Variants in PPP1R10 observed in about 807,000 individuals in gnomAD.
PPP1R10 encodes the protein serine/threonine-protein phosphatase 1 regulatory subunit 10.
A neutral mutation model predicts 99.0 loss-of-function variants in PPP1R10; 15 were observed. The ratio of observed to expected loss-of-function variants is 0.15; its 90% CI spans 0.10 to 0.23. The LOEUF (loss-of-function observed/expected upper bound fraction) is 0.23, where lower values mean the gene tolerates loss of function less well. Among genes scored for constraint, PPP1R10 ranks in the 10% least tolerant of loss-of-function variants. The pLI, the probability that PPP1R10 is intolerant of heterozygous loss-of-function variation, is 1.00. For missense variants in PPP1R10, 947 were observed against 1,259.4 expected (o/e 0.75, Z 3.75); for synonymous variants, 430 against 449.5 (o/e 0.96, Z 0.55).
Position 30,601,437 on chromosome 6 carries a change from C to G in PPP1R10, c.*112G>C. ...AGCAAGTGGGAACTGAGGGGGCCGG[C>G]TCCTCATCAGCTGGGGAAAAGGGAA... is the stretch of plus-strand genomic sequence containing the variant. On this transcript the variant is annotated 3_prime_UTR_variant, in exon 20 of 20. Transcript: ENST00000376511. The G allele has an allele frequency of 1.2e-6, 1 of 868,186 alleles. No homozygotes were observed. Among genetic ancestry groups the G allele is most frequent in the East Asian group, 2.6e-5 (1 of 38,396 alleles). The allele number at this position is 868,186 out of a possible 1,614,324, so 53.8% of individuals were successfully genotyped here.
rs1292956976 is a variant in PPP1R10 at position 30,602,543 on chromosome 6, T to A, written c.2106A>T (p.Pro702=). Residue 702 remains proline, a synonymous_variant, in exon 19 of 20, where the codon CCA becomes CCT. Transcript: ENST00000376511. The surrounding 1 kb of genome is among the most constrained non-coding windows in gnomAD (Gnocchi z 6.7). ...MRGGPGPGPG[P]YHRGRGGRGG... is the part of the protein sequence containing the mutation. ...CTCGGCCACCTCGGCCTCTATGGTATGGTCCAGGACCTGGTCCTGGACCCC... is the reference window on the plus strand; with the variant it reads ...CTCGGCCACCTCGGCCTCTATGGTAAGGTCCAGGACCTGGTCCTGGACCCC... 7.6e-6 allele frequency: 12 copies of A among 1,570,704 alleles called. No individual in the cohort carries two copies. The highest frequency in any genetic ancestry group is 1.7e-4 in the Middle Eastern group (1 of 5,860).
chr6:30,612,248 T>TAA (rs1461059755), intron 2 of PPP1R10, among the ~76,000 whole-genome samples: 1 of 152,238 alleles, frequency 6.6e-6, no homozygotes, highest in Non-Finnish European at 1.5e-5. Context: ...TGAATATATA[T>TAA]AACCCTGGAG....
chr6:30,608,846 A>C lies in PPP1R10; in HGVS notation c.263T>G (p.Ile88Ser), dbSNP rs1226363825. Residue 88 changes from isoleucine (I) to serine (S), a missense_variant, in exon 5 of 20, where the codon ATT (isoleucine) becomes AGT (serine). Around this residue, in one of 10 missense-constraint regions of PPP1R10, gnomAD observed 82 missense variants for 117.3 expected, o/e 0.70. Coordinates refer to ENST00000376511, the MANE Select transcript of PPP1R10 (RefSeq NM_002714.4). ...WLTYSKTTNN[I>S]PLLQQILLTL... ...CAGTAGAATTTGCTGGAGGAGGGGA[A>C]TGTTGTTGGTTGTCTTTGAATACGT... The C allele has an allele frequency of 1.2e-6, 2 of 1,614,036 alleles. No individual in the cohort carries two copies. Among genetic ancestry groups the C allele is most frequent in the Non-Finnish European group, 1.7e-6 (2 of 1,179,944 alleles).
Position 30,605,109 on chromosome 6 carries a change from A to G in PPP1R10, c.854-15T>C. The stretch of plus-strand genomic sequence containing the variant: ...GCCCTCCATAGCTACAAAAAGAAAG[A>G]GCACCAAATGGCATCATCAGACCTC... On this transcript the variant is annotated splice_polypyrimidine_tract_variant and intron_variant, in intron 10 of 19. Coordinates refer to ENST00000376511, the MANE Select transcript of PPP1R10 (RefSeq NM_002714.4). 1 of 1,608,548 alleles carries G rather than the reference A, an allele frequency of 6.2e-7. No individual in the cohort carries two copies. The highest frequency in any genetic ancestry group is 8.5e-7 in the Non-Finnish European group (1 of 1,176,378).
rs759276481 is a variant in PPP1R10 at position 30,606,692 on chromosome 6, C to CA, written c.461-52dup. ...AGGATTTTATTTAGATGAACACTGT[C>CA]AGAGGTGAAGCAGACTGGGAGCACC... is the stretch of plus-strand genomic sequence containing the variant. On this transcript the variant is annotated intron_variant, in intron 7 of 19. Transcript: ENST00000376511. This position sits in a 1 kb window ranked among gnomAD's most constrained non-coding sequence, Gnocchi z 6.3. 4.3e-6 allele frequency: 7 copies of CA among 1,612,878 alleles called. No homozygotes were observed. The highest frequency in any genetic ancestry group is 1.1e-5 in the South Asian group (1 of 91,054).
At chr6:30,608,714 T>C in intron 5 of PPP1R10, 65 bp downstream of exon 5, 9 of 1,535,798 alleles carry the variant, frequency 5.9e-6, no homozygotes, top group African/African-American at 1.4e-5. Flanking sequence ...ATCAGTCAGT[T>C]TGAGTTTTTC....
intron 2 of PPP1R10, among the ~76,000 whole-genome samples, chr6:30,611,143 T>C (rs1804512114): frequency 6.6e-6 from 1 of 152,108 alleles, no homozygotes; most frequent in Non-Finnish European, 1.5e-5. Flanking sequence ...ACCTCATCTC[T>C]ACAAAACATA....
chr6:30,605,745 A>T, intron 10 of PPP1R10, 178 bp downstream of exon 10: 1 of 648,444 alleles, frequency 1.5e-6, no homozygotes, highest in South Asian at 1.9e-5. Flanking sequence ...CAGTAGTCCC[A>T]GCTACTCGGG....
At position 30,602,766 on chromosome 6, in the gene PPP1R10, C is replaced by T. The variant is rs1803499961; in HGVS notation, c.1958-75G>A. 1 of 1,559,810 alleles carries T rather than the reference C, an allele frequency of 6.4e-7. No individual in the cohort carries two copies. The highest frequency in any genetic ancestry group is 1.9e-5 in the Admixed American group (1 of 51,918). On this transcript the variant is annotated intron_variant, in intron 18 of 19. Coordinates refer to ENST00000376511, the MANE Select transcript of PPP1R10 (RefSeq NM_002714.4). This position sits in a 1 kb window ranked among gnomAD's most constrained non-coding sequence, Gnocchi z 6.7. ...TCTCCCAACCTAAACCACCACCTCC[C>T]ACCTTCCAGTCAATCCTATACTATT... is the stretch of plus-strand genomic sequence containing the variant.
chr6:30,614,062 TA>T (rs1183215009), intron 2 of PPP1R10, among the ~76,000 whole-genome samples: 2 of 152,094 alleles, frequency 1.3e-5, no homozygotes, highest in African/African-American at 2.4e-5. Flanking sequence ...GCAGGACTTT[TA>T]AAAATTAAAA....
rs1803307173 is a variant in PPP1R10 at position 30,601,490 on chromosome 6, G to A, written c.*59C>T. Reference sequence around the variant, plus strand: ...TGGGCCTCACAGAAGCCATAACAGGGTGGAAAGAGCGAGGCTGCAGTCCAC... The same window carrying A: ...TGGGCCTCACAGAAGCCATAACAGGATGGAAAGAGCGAGGCTGCAGTCCAC... On this transcript the variant is annotated 3_prime_UTR_variant, in exon 20 of 20. Transcript: ENST00000376511. 4.2e-6 allele frequency: 6 copies of A among 1,435,656 alleles called. No homozygotes were observed. In the South Asian group the frequency reaches 7.0e-5, roughly 17 times the overall value. 88.9% of individuals were successfully genotyped at this position (1,435,656 alleles called of 1,614,324 possible).
In PPP1R10 at chr6:30,601,362, A is replaced by C; in HGVS notation, c.*187T>G. ...TCTCTCTCCTCCCCAGACTGGAGGA[A>C]AATATGTACATCAATGCGCACCAGT... On this transcript the variant is annotated 3_prime_UTR_variant, in exon 20 of 20. Transcript: ENST00000376511. 1.7e-6 allele frequency: 1 copy of C among 586,160 alleles called. No individual in the cohort carries two copies. 36.3% of individuals were successfully genotyped at this position (586,160 alleles called of 1,614,324 possible). A position where few individuals can be genotyped will look rare whatever the true frequency, so the allele number is the denominator to read the frequency against.
In PPP1R10 at chr6:30,604,296, A is replaced by G; in HGVS notation, c.1262-42T>C. The stretch of plus-strand genomic sequence containing the variant: ...AAAAGCAAGAGGGAAAGTAAGCACA[A>G]CCAAGTCCTTTCAAAATCCCTTAAA... On this transcript the variant is annotated intron_variant, in intron 13 of 19. Transcript: ENST00000376511. This position sits in a 1 kb window ranked among gnomAD's most constrained non-coding sequence, Gnocchi z 7.3. The G allele has an allele frequency of 6.2e-7, 1 of 1,613,778 alleles. No individual in the cohort carries two copies. The highest frequency in any genetic ancestry group is 8.5e-7 in the Non-Finnish European group (1 of 1,179,676).
chr6:30,603,559 A>T lies in PPP1R10; in HGVS notation c.1680T>A (p.Asn560Lys). The change falls in exon 16 of 20, where the codon AAT becomes AAA. Residue 560 changes from asparagine to lysine, a missense_variant. This residue lies in a region of PPP1R10 where 525 missense variants were observed against 578.8 expected (regional missense o/e 0.91). Coordinates refer to ENST00000376511, the MANE Select transcript of PPP1R10 (RefSeq NM_002714.4). ...GGSKLPPVLA[N>K]LMGSMGAGKG... The stretch of plus-strand genomic sequence containing the variant: ...TTCCAGCACCCATGCTTCCCATAAG[A>T]TTGGCCAGAACTGGAGGCAACTTGG... 1 of 1,614,030 alleles carries T rather than the reference A, an allele frequency of 6.2e-7. No individual in the cohort carries two copies. Among genetic ancestry groups the T allele is most frequent in the South Asian group, 1.1e-5 (1 of 91,084 alleles).
chr6:30,602,201 A>G lies in PPP1R10; in HGVS notation c.2448T>C (p.His816=), dbSNP rs1225396729. Residue 816 remains histidine, a synonymous_variant, in exon 19 of 20, where the codon CAT becomes CAC. Transcript: ENST00000376511. This position sits in a 1 kb window ranked among gnomAD's most constrained non-coding sequence, Gnocchi z 6.7. ...CACCCATTCCTCCGCCAGGGCCTTC[A>G]TGGGGACGATGGCCACTGCCACCAC... ...GISGGSGHRP[H]EGPGGGMGAG... The G allele has an allele frequency of 3.7e-6, 6 of 1,608,852 alleles. No individual in the cohort carries two copies. The highest frequency in any genetic ancestry group is 5.1e-6 in the Non-Finnish European group (6 of 1,178,392).
Position 30,602,404 on chromosome 6 carries a change from C to A in PPP1R10, c.2245G>T (p.Gly749Cys). Residue 749 changes from glycine (G) to cysteine (C), a missense_variant, in exon 19 of 20, where the codon GGT (glycine) becomes TGT (cysteine). Coordinates refer to ENST00000376511, the MANE Select transcript of PPP1R10 (RefSeq NM_002714.4). This position sits in a 1 kb window ranked among gnomAD's most constrained non-coding sequence, Gnocchi z 6.7. ...GGGCCTTCGTGAGGACGATGCCCAC[C>A]ACCTCCAACCATGCCCCCACCAGGG... ...GGPGGGMVGG[G>C]GHRPHEGPGG... 6.2e-7 allele frequency: 1 copy of A among 1,611,588 alleles called. No individual in the cohort carries two copies. Among genetic ancestry groups the A allele is most frequent in the Non-Finnish European group, 8.5e-7 (1 of 1,179,314 alleles).
chr6:30,617,040 C>G (rs1330618736), intron 1 of PPP1R10, 42 bp from the exon 2 acceptor site: 3 of 152,372 alleles, frequency 2.0e-5, no homozygotes, highest in Non-Finnish European at 2.9e-5. Flanking sequence ...GTAATCAGTA[C>G]GGGTTGCTTC....
At chr6:30,615,343 C>T (rs1760358205) in intron 2 of PPP1R10, among the ~76,000 whole-genome samples, 1 of 150,510 alleles carries the variant, frequency 6.6e-6, no homozygotes, top group Non-Finnish European at 1.5e-5. Context: ...TTAAAAAGAA[C>T]AATTTTCTGC....
At chr6:30,603,013 A>G (rs1803533285) in intron 17 of PPP1R10, 54 bp from the exon 18 acceptor site, 7 of 1,463,582 alleles carry the variant, frequency 4.8e-6, no homozygotes, top group Non-Finnish European at 5.5e-6. Context: ...GACTAGCATG[A>G]TCTCCCATTT....
Sources: allele counts gnomAD v4.1 joint callset (sites outside exome capture counted in the v4.1 genomes callset), GRCh38; gene constraint gnomAD v4.1.1; regional missense constraint gnomAD v4.1.1; non-coding constraint Gnocchi (gnomAD v3.1); transcripts MANE v1.5; gene names NCBI Gene and HGNC (gene_info 2026-07-23, HGNC 2026-07-21).